Variants in AGAP3 observed in about 807,000 individuals in gnomAD.
The protein encoded by AGAP3 is arf-GAP with GTPase, ANK repeat and PH domain-containing protein 3.
In AGAP3, 24 loss-of-function variants were observed where a neutral mutation model predicts 96.9. The observed-to-expected ratio is 0.25, with a 90% CI of 0.18 to 0.35. AGAP3 has a LOEUF of 0.35. Among genes scored for constraint, AGAP3 ranks in the 10% least tolerant of loss-of-function variants. The probability of loss-of-function intolerance (pLI) is 1.00; values close to 1 mark genes in which losing one functional copy is unlikely to be tolerated. For synonymous variants in AGAP3, 563 were observed against 536.1 expected (o/e 1.05, Z -0.69); for missense variants, 876 against 1,254.2 (o/e 0.70, Z 4.55).
chr7:151,092,579 C>T (rs1798443081), intron 1 of AGAP3, among the ~76,000 whole-genome samples: 1 of 152,190 alleles, frequency 6.6e-6, no homozygotes, highest in South Asian at 2.1e-4. Flanking sequence ...ATGTTCTTCC[C>T]TCTGCCAGGC....
intron 9 of AGAP3, among the ~76,000 whole-genome samples, chr7:151,126,099 C>T (rs1226651068): frequency 2.1e-5 from 3 of 144,636 alleles, no homozygotes; most frequent in African/African-American, 7.3e-5. Context: ...GTTCCGCCCG[C>T]GCCCCCGGCT....
chr7:151,099,712 G>C (rs566122023), intron 1 of AGAP3, among the ~76,000 whole-genome samples: 1 of 152,222 alleles, frequency 6.6e-6, no homozygotes, highest in African/African-American at 2.4e-5. Flanking sequence ...CCACCTGCTA[G>C]GGGCTTCCCT....
intron 1 of AGAP3, among the ~76,000 whole-genome samples, chr7:151,089,520 G>A (rs545964600): frequency 1.8e-4 from 28 of 152,256 alleles, no homozygotes; most frequent in African/African-American, 6.5e-4. Context: ...TTCGGTGAAG[G>A]GTTTGTTTGT....
In AGAP3 at chr7:151,142,838, G is replaced by A. The variant is rs772473449; in HGVS notation, c.2273+204G>A. On this transcript the variant is annotated intron_variant, in intron 16 of 17. Coordinates refer to ENST00000397238, the MANE Select transcript of AGAP3 (RefSeq NM_031946.7). The surrounding 1 kb of genome is among the most constrained non-coding windows in gnomAD (Gnocchi z 7.5). ...TCACAACAACGGGCCCTTTCTGAGC[G>A]TTATCAGCAGGTCAGGGGCCAGCAG... Among the ~76,000 whole-genome samples, 8 of 152,342 alleles carry A rather than the reference G, an allele frequency of 5.3e-5. No individual in the cohort carries two copies. The highest frequency in any genetic ancestry group is 2.6e-4 in the Admixed American group (4 of 15,308).
In AGAP3 at chr7:151,144,043, G is replaced by T; in HGVS notation, c.*100G>T. ...ACAGACACAGAGATGGAGAAGCAGGGACATGCTGAGAGGACGAAGCCAAGG... is the reference window on the plus strand; with the variant it reads ...ACAGACACAGAGATGGAGAAGCAGGTACATGCTGAGAGGACGAAGCCAAGG... On this transcript the variant is annotated 3_prime_UTR_variant, in exon 18 of 18. Coordinates refer to ENST00000397238, the MANE Select transcript of AGAP3 (RefSeq NM_031946.7). 7.7e-7 allele frequency: 1 copy of T among 1,290,386 alleles called. No homozygotes were observed. The highest frequency in any genetic ancestry group is 2.2e-5 in the Admixed American group (1 of 44,706). 79.9% of individuals were successfully genotyped at this position (1,290,386 alleles called of 1,614,324 possible). A position where few individuals can be genotyped will look rare whatever the true frequency, so the allele number is the denominator to read the frequency against.
At position 151,141,805 on chromosome 7, in the gene AGAP3, T is replaced by G; in HGVS notation, c.1805-93T>G. The G allele has an allele frequency of 6.5e-7, 1 of 1,539,574 alleles. No homozygotes were observed. The highest frequency in any genetic ancestry group is 9.0e-7 in the Non-Finnish European group (1 of 1,115,410). On this transcript the variant is annotated intron_variant, in intron 13 of 17. Transcript: ENST00000397238. This position sits in a 1 kb window ranked among gnomAD's most constrained non-coding sequence, Gnocchi z 4.2. ...GGGTCTAGGGGAGGACACTTGCCAG[T>G]GGAGCAGGGTAGTGAGTGGAGTTGT...
At chr7:151,098,254 G>A (rs1343436993) in intron 1 of AGAP3, among the ~76,000 whole-genome samples, 3 of 152,186 alleles carry the variant, frequency 2.0e-5, no homozygotes, top group Admixed American at 6.5e-5. Flanking sequence ...AGCTACTCCG[G>A]AAGCTGAGGC....
At chr7:151,119,872 C>G in intron 7 of AGAP3, 115 bp from the exon 8 acceptor site, 1 of 977,154 alleles carries the variant, frequency 1.0e-6, no homozygotes, top group Non-Finnish European at 1.5e-6. Context: ...AGTGGCCCCT[C>G]TGCTGCCCAT....
At chr7:151,095,199 A>G (rs1452607643) in intron 1 of AGAP3, among the ~76,000 whole-genome samples, 2 of 152,176 alleles carry the variant, frequency 1.3e-5, no homozygotes, top group African/African-American at 2.4e-5. Flanking sequence ...TTTTTCTACA[A>G]CGTACATTTC....
At chr7:151,104,195 C>G (rs189278424) in intron 1 of AGAP3, among the ~76,000 whole-genome samples, 3 of 152,136 alleles carry the variant, frequency 2.0e-5, no homozygotes, top group Non-Finnish European at 2.9e-5. Flanking sequence ...TCAAGGTGGC[C>G]GTAAACCCGA....
Position 151,143,818 on chromosome 7 carries a change from G to A in AGAP3, c.2611G>A (p.Ala871Thr), listed in dbSNP as rs1005148728. ...YARRAGSQECADILIQHGCPG... is the reference protein window; with the variant it reads ...YARRAGSQECTDILIQHGCPG... Reference sequence around the variant, plus strand: ...TCGCCGGGCCGGCAGCCAGGAGTGTGCAGACATCTTGATCCAGCATGGCTG... The same window carrying A: ...TCGCCGGGCCGGCAGCCAGGAGTGTACAGACATCTTGATCCAGCATGGCTG... Residue 871 changes from alanine (A) to threonine (T), a missense_variant, in exon 18 of 18, where the codon GCA (alanine) becomes ACA (threonine). By Grantham distance (58) the Ala-to-Thr change is moderately conservative (BLOSUM62 0). This residue lies in a region of AGAP3 where 213 missense variants were observed against 253.8 expected (regional missense o/e 0.84). Coordinates refer to ENST00000397238, the MANE Select transcript of AGAP3 (RefSeq NM_031946.7). This position sits in a 1 kb window ranked among gnomAD's most constrained non-coding sequence, Gnocchi z 5.9. 3.7e-6 allele frequency: 6 copies of A among 1,614,106 alleles called. No homozygotes were observed. Among genetic ancestry groups the A allele is most frequent in the South Asian group, 1.1e-5 (1 of 91,088 alleles).
intron 8 of AGAP3, chr7:151,122,994 G>A (rs1799983012): frequency 7.1e-7 from 1 of 1,417,578 alleles, no homozygotes; most frequent in Non-Finnish European, 9.2e-7. Context: ...GACCAGGCCC[G>A]GCCGGACGCT....
chr7:151,115,146 A>G, intron 1 of AGAP3: 1 of 1,044,808 alleles, frequency 9.6e-7, no homozygotes, highest in Non-Finnish European at 1.2e-6. Flanking sequence ...CCGGCCGGCC[A>G]GCATGACTTT....
intron 1 of AGAP3, among the ~76,000 whole-genome samples, chr7:151,099,942 T>C (rs1798770478): frequency 6.6e-6 from 1 of 152,222 alleles, no homozygotes. Context: ...CTCCGCCCAC[T>C]TCCTGGCTGA....
chr7:151,117,740 C>T lies in AGAP3; in HGVS notation c.669C>T (p.Asn223=), dbSNP rs369592362. 1.2e-4 allele frequency: 188 copies of T among 1,614,062 alleles called. No homozygotes were observed. The highest frequency in any genetic ancestry group is 1.5e-4 in the Non-Finnish European group (173 of 1,180,018). The stretch of plus-strand genomic sequence containing the variant: ...TCCTGCGTCTCTGCAGCTTCCGCAA[C>T]GCCAGCGAGGTGCCCATGGTGCTTG... The part of the protein sequence containing the change: ...NYFLRLCSFR[N]ASEVPMVLVG... The change falls in exon 5 of 18, where the codon AAC becomes AAT. Residue 223 remains asparagine, a synonymous_variant. Transcript: ENST00000397238.
At chr7:151,111,591 C>T (rs899885964) in intron 1 of AGAP3, among the ~76,000 whole-genome samples, 2 of 152,108 alleles carry the variant, frequency 1.3e-5, no homozygotes, top group African/African-American at 4.8e-5. Context: ...CCCTCACCCC[C>T]CTGTGCACAC....
intron 1 of AGAP3, among the ~76,000 whole-genome samples, chr7:151,105,782 C>CG (rs1299236405): frequency 2.1e-5 from 1 of 46,790 alleles, no homozygotes; most frequent in Non-Finnish European, 3.7e-5. Context: ...TTCCGCCCCC[C>CG]CCCCCGACAC....
chr7:151,098,137 T>C (rs547616080), intron 1 of AGAP3, among the ~76,000 whole-genome samples: 111 of 152,222 alleles, frequency 7.3e-4, no homozygotes, highest in African/African-American at 2.1e-3. Context: ...GGCAGGCAGA[T>C]CAGTTGAGGT....
At chr7:151,130,785 G>A (rs1800373102) in intron 10 of AGAP3, among the ~76,000 whole-genome samples, 1 of 151,986 alleles carries the variant, frequency 6.6e-6, no homozygotes, top group South Asian at 2.1e-4. Context: ...TGGAGCTCTG[G>A]CAGAGCCCGC....
Sources: gnomAD v4.1 joint callset for allele counts (sites outside exome capture counted in the v4.1 genomes callset) on GRCh38, gnomAD v4.1.1 for gene constraint, gnomAD v4.1.1 regional missense constraint, Gnocchi (gnomAD v3.1) non-coding constraint, MANE v1.5 for transcripts, NCBI Gene and HGNC (gene_info 2026-07-23, HGNC 2026-07-21) for gene names.